Variants in MEGF9 observed in about 807,000 individuals in gnomAD.
MEGF9 encodes multiple epidermal growth factor-like domains protein 9.
In MEGF9, 6 loss-of-function variants were observed where a neutral mutation model predicts 46.8. That is an observed-to-expected ratio of 0.13 (90% CI 0.07 to 0.25). The LOEUF (loss-of-function observed/expected upper bound fraction) is 0.25. Among genes scored for constraint, MEGF9 ranks in the 10% least tolerant of loss-of-function variants. The pLI, the probability that MEGF9 is intolerant of heterozygous loss-of-function variation, is 1.00. For missense variants in MEGF9, 683 were observed against 792.4 expected (o/e 0.86, Z 1.66); for synonymous variants, 302 against 330.7 (o/e 0.91, Z 0.94).
At chr9:120,639,180 T>C (rs545071833) in intron 2 of MEGF9, among the ~76,000 whole-genome samples, 5 of 152,306 alleles carry the variant, frequency 3.3e-5, no homozygotes, top group African/African-American at 1.2e-4. Context: ...ATATGTTTTT[T>C]ATATTTTGGA....
At chr9:120,635,203 T>C (rs1430599656) in intron 2 of MEGF9, among the ~76,000 whole-genome samples, 2 of 152,324 alleles carry the variant, frequency 1.3e-5, no homozygotes, top group South Asian at 4.1e-4. Flanking sequence ...GAAGACTCCC[T>C]TATACATGAC....
At chr9:120,667,556 C>G (rs139158432) in intron 1 of MEGF9, among the ~76,000 whole-genome samples, 1 of 152,166 alleles carries the variant, frequency 6.6e-6, no homozygotes, top group African/African-American at 2.4e-5. Flanking sequence ...ATATAACTTT[C>G]AATCTATCTA....
chr9:120,648,714 T>G (rs1402305607), intron 2 of MEGF9, among the ~76,000 whole-genome samples: 2 of 152,254 alleles, frequency 1.3e-5, no homozygotes, highest in African/African-American at 4.8e-5. Context: ...CAAATAACCT[T>G]TTTCTCAATC....
At chr9:120,687,366 G>C (rs1296730285) in intron 1 of MEGF9, among the ~76,000 whole-genome samples, 1 of 152,098 alleles carries the variant, frequency 6.6e-6, no homozygotes, top group African/African-American at 2.4e-5. Flanking sequence ...AGGTACTCAG[G>C]TGATTCCTAT....
intron 1 of MEGF9, among the ~76,000 whole-genome samples, chr9:120,706,606 G>A (rs1440679671): frequency 6.6e-6 from 1 of 152,228 alleles, no homozygotes; most frequent in African/African-American, 2.4e-5. Context: ...AGGCCAAGGT[G>A]GGTGGATTAC....
intron 1 of MEGF9, among the ~76,000 whole-genome samples, chr9:120,660,570 C>T (rs914806265): frequency 2.0e-5 from 3 of 152,254 alleles, no homozygotes; most frequent in Non-Finnish European, 4.4e-5. Flanking sequence ...CTCCCCACCA[C>T]ACCCCTGTCC....
intron 2 of MEGF9, among the ~76,000 whole-genome samples, chr9:120,650,433 T>C (rs905759132): frequency 6.6e-6 from 1 of 152,254 alleles, no homozygotes; most frequent in Non-Finnish European, 1.5e-5. Flanking sequence ...GTTCAGATAC[T>C]GTACACCAAC....
intron 1 of MEGF9, among the ~76,000 whole-genome samples, chr9:120,662,388 A>T (rs2043706493): frequency 6.6e-6 from 1 of 152,112 alleles, no homozygotes; most frequent in South Asian, 2.1e-4. Context: ...TTCTCCATAA[A>T]CTCTAACTGT....
At chr9:120,707,790 C>A (rs995455949) in intron 1 of MEGF9, among the ~76,000 whole-genome samples, 3 of 152,154 alleles carry the variant, frequency 2.0e-5, no homozygotes, top group African/African-American at 7.2e-5. Context: ...CACCTGTAAT[C>A]CCAGCACTTT....
At chr9:120,616,656 T>C (rs1168532462) in intron 3 of MEGF9, among the ~76,000 whole-genome samples, 4 of 125,722 alleles carry the variant, frequency 3.2e-5, no homozygotes, top group Admixed American at 1.0e-4. Context: ...CCAGCCTGGG[T>C]GACAGAGCAA....
chr9:120,673,394 C>T (rs765987446), intron 1 of MEGF9, among the ~76,000 whole-genome samples: 4 of 151,988 alleles, frequency 2.6e-5, no homozygotes, highest in African/African-American at 4.8e-5. Context: ...AGCTGGAGGA[C>T]TCACAATAAT....
chr9:120,657,615 G>GGCT (rs2043683307), intron 2 of MEGF9, among the ~76,000 whole-genome samples: 1 of 152,126 alleles, frequency 6.6e-6, no homozygotes, highest in African/African-American at 2.4e-5. Flanking sequence ...ACTTAACAAT[G>GGCT]GCTTATCTTT....
At chr9:120,630,364 T>A (rs1230192067) in intron 2 of MEGF9, among the ~76,000 whole-genome samples, 1 of 152,236 alleles carries the variant, frequency 6.6e-6, no homozygotes, top group Admixed American at 6.5e-5. Flanking sequence ...TTCTTTTTTA[T>A]GGCTAACTAG....
intron 2 of MEGF9, among the ~76,000 whole-genome samples, chr9:120,649,548 C>T (rs1343116727): frequency 6.6e-6 from 1 of 152,140 alleles, no homozygotes; most frequent in South Asian, 2.1e-4. Context: ...CTGCCTTGCA[C>T]CTTGAGCTGC....
chr9:120,680,150 T>C (rs1258888547), intron 1 of MEGF9, among the ~76,000 whole-genome samples: 2 of 152,224 alleles, frequency 1.3e-5, no homozygotes, highest in Non-Finnish European at 2.9e-5. Context: ...TATTTCTGTT[T>C]CTCCAGGATT....
At chr9:120,711,860 CACACACACACA>C (rs1171566436) in intron 1 of MEGF9, among the ~76,000 whole-genome samples, 1 of 144,248 alleles carries the variant, frequency 6.9e-6, no homozygotes, top group African/African-American at 2.5e-5. Context: ...CACACACACA[CACACACACACA>C]CCCACAGGCC....
At chr9:120,678,831 A>G (rs1047842266) in intron 1 of MEGF9, among the ~76,000 whole-genome samples, 4 of 152,170 alleles carry the variant, frequency 2.6e-5, no homozygotes, top group Non-Finnish European at 4.4e-5. Flanking sequence ...TGCTTAATCA[A>G]TTCTACTATT....
chr9:120,657,593 C>T (rs1360411250), intron 2 of MEGF9, among the ~76,000 whole-genome samples: 6 of 152,092 alleles, frequency 3.9e-5, no homozygotes, highest in Non-Finnish European at 7.3e-5. Context: ...CATGAGACAC[C>T]AGAATGAACA....
intron 1 of MEGF9, among the ~76,000 whole-genome samples, chr9:120,682,309 G>A (rs78251815): frequency 0.024 from 3,606 of 152,258 alleles, 154 homozygotes; most frequent in African/African-American, 0.083. Flanking sequence ...AATTGCTTCT[G>A]AGGTTGGGAC....
Sources: allele counts gnomAD v4.1 joint callset (sites outside exome capture counted in the v4.1 genomes callset), GRCh38; gene constraint gnomAD v4.1.1; transcripts MANE v1.5; gene names NCBI Gene and HGNC (gene_info 2026-07-23, HGNC 2026-07-21).